The following KCTD16 variants were observed in gnomAD, a reference collection of about 807,000 sequenced individuals.
KCTD16 encodes BTB/POZ domain-containing protein KCTD16.
A neutral mutation model predicts 33.2 loss-of-function variants in KCTD16; 13 were observed. That is an observed-to-expected ratio of 0.39 (90% confidence interval 0.25 to 0.62). The LOEUF (loss-of-function observed/expected upper bound fraction) is 0.62, where lower values mean the gene tolerates loss of function less well. Among genes scored for constraint, KCTD16 ranks in the 20% least tolerant of loss-of-function variants. The pLI, the probability that KCTD16 is intolerant of heterozygous loss-of-function variation, is 0.50. For missense variants in KCTD16, 441 were observed against 525.1 expected (o/e 0.84, Z 1.57); for synonymous variants, 197 against 195.3 (o/e 1.01, Z -0.07).
chr5:144,465,039 A>G (rs536448504), intron 3 of KCTD16, among the ~76,000 whole-genome samples: 134 of 152,296 alleles, frequency 8.8e-4, no homozygotes, highest in African/African-American at 3.0e-3. Flanking sequence ...TATTTGCCCT[A>G]GAAGGTAGAG....
chr5:144,173,658 A>C (rs1200383536), intron 1 of KCTD16, among the ~76,000 whole-genome samples: 1 of 152,206 alleles, frequency 6.6e-6, no homozygotes, highest in South Asian at 2.1e-4. Context: ...GAATTATTAG[A>C]TATAGATATT....
At chr5:144,247,528 T>G (rs536890937) in intron 3 of KCTD16, among the ~76,000 whole-genome samples, 1 of 152,322 alleles carries the variant, frequency 6.6e-6, no homozygotes, top group African/African-American at 2.4e-5. Flanking sequence ...CTATTCCCAC[T>G]GTGCTGTCTG....
chr5:144,356,497 GA>G (rs1400703683), intron 3 of KCTD16, among the ~76,000 whole-genome samples: 20 of 152,032 alleles, frequency 1.3e-4, no homozygotes, highest in Admixed American at 1.1e-3. Flanking sequence ...GAAAGATTCT[GA>G]AAGGTCAGTT....
chr5:144,221,899 C>T (rs1020694846), intron 3 of KCTD16, among the ~76,000 whole-genome samples: 12 of 152,190 alleles, frequency 7.9e-5, no homozygotes, highest in Admixed American at 2.6e-4. Flanking sequence ...TAAAAGTGTT[C>T]CTATTTCTCC....
intron 3 of KCTD16, among the ~76,000 whole-genome samples, chr5:144,328,498 T>A (rs1752266694): frequency 6.6e-6 from 1 of 151,980 alleles, no homozygotes; most frequent in African/African-American, 2.4e-5. Context: ...GAAGCGAATA[T>A]CCTCTTTTTT....
At chr5:144,242,742 G>T (rs1407402615) in intron 3 of KCTD16, among the ~76,000 whole-genome samples, 1 of 152,088 alleles carries the variant, frequency 6.6e-6, no homozygotes, top group East Asian at 1.9e-4. Flanking sequence ...GAGATTGCAT[G>T]GTCATAGAGG....
chr5:144,202,072 C>G (rs1449520087), intron 2 of KCTD16, among the ~76,000 whole-genome samples: 1 of 152,210 alleles, frequency 6.6e-6, no homozygotes, highest in Non-Finnish European at 1.5e-5. Context: ...TCACAATTTA[C>G]CTAACATACG....
chr5:144,437,652 C>T (rs1753608360), intron 3 of KCTD16, among the ~76,000 whole-genome samples: 1 of 152,196 alleles, frequency 6.6e-6, no homozygotes, highest in South Asian at 2.1e-4. Context: ...CCAATATCAA[C>T]ATGTACAGGT....
At chr5:144,230,370 G>A (rs549144453) in intron 3 of KCTD16, among the ~76,000 whole-genome samples, 65 of 152,256 alleles carry the variant, frequency 4.3e-4, no homozygotes, top group African/African-American at 1.5e-3. Flanking sequence ...GCTGATATTG[G>A]TGATAAGAAC....
intron 2 of KCTD16, among the ~76,000 whole-genome samples, chr5:144,188,962 G>A (rs941102418): frequency 2.6e-5 from 4 of 152,290 alleles, no homozygotes; most frequent in African/African-American, 9.6e-5. Context: ...CTGTTGTCAT[G>A]GTAAGGCCTT....
chr5:144,388,030 C>T lies in KCTD16; in HGVS notation c.833-85630C>T, dbSNP rs1188833239. Among the ~76,000 whole-genome samples, 3 of 135,662 alleles carry T rather than the reference C, an allele frequency of 2.2e-5. No homozygotes were observed. The South Asian group carries it at 6.8e-4, about 31-fold the overall frequency. 89.0% of individuals were successfully genotyped at this position (135,662 alleles called of 152,430 possible). On this transcript the variant is annotated intron_variant, in intron 3 of 3. Transcript: ENST00000512467. ...ATAGAACCAATTATTTATTATTAAT[C>T]GGGAAAAAAAATCCAGAGTTCAATT...
intron 3 of KCTD16, among the ~76,000 whole-genome samples, 181 bp from the exon 4 acceptor site, chr5:144,473,479 C>T (rs188380824): frequency 8.3e-4 from 126 of 152,234 alleles, no homozygotes; most frequent in African/African-American, 3.0e-3. Context: ...TTCCTCCCCT[C>T]GTGGACTTGG....
intron 3 of KCTD16, among the ~76,000 whole-genome samples, chr5:144,313,306 C>G (rs1346700507): frequency 6.6e-6 from 1 of 152,128 alleles, no homozygotes; most frequent in South Asian, 2.1e-4. Context: ...CTAGACATAA[C>G]CAGCCATTCA....
intron 2 of KCTD16, among the ~76,000 whole-genome samples, chr5:144,193,566 C>A (rs1296018659): frequency 2.6e-5 from 4 of 152,082 alleles, no homozygotes; most frequent in African/African-American, 9.7e-5. Context: ...TAGCTCATTT[C>A]ACTATATGAA....
chr5:144,180,046 A>G (rs1474595746), intron 2 of KCTD16, among the ~76,000 whole-genome samples: 2 of 152,198 alleles, frequency 1.3e-5, no homozygotes, highest in African/African-American at 4.8e-5. Flanking sequence ...TGAGGTCATT[A>G]CTGTGCTTCC....
At chr5:144,239,472 G>A (rs1007949472) in intron 3 of KCTD16, among the ~76,000 whole-genome samples, 34 of 152,082 alleles carry the variant, frequency 2.2e-4, no homozygotes, top group African/African-American at 8.2e-4. Context: ...CATTTGGAGT[G>A]AAGAAGATTC....
chr5:144,322,179 A>G (rs1451827399), intron 3 of KCTD16, among the ~76,000 whole-genome samples: 1 of 152,070 alleles, frequency 6.6e-6, no homozygotes, highest in Non-Finnish European at 1.5e-5. Flanking sequence ...CCTGCTCCTT[A>G]TTTAGATTAT....
chr5:144,440,684 C>T (rs1012924090), intron 3 of KCTD16, among the ~76,000 whole-genome samples: 1 of 151,472 alleles, frequency 6.6e-6, no homozygotes, highest in Admixed American at 6.6e-5. Context: ...AAAAAAAAAT[C>T]TGACTGTGGT....
chr5:144,213,624 A>C (rs762239583), intron 3 of KCTD16, among the ~76,000 whole-genome samples: 6 of 152,176 alleles, frequency 3.9e-5, no homozygotes, highest in Non-Finnish European at 7.3e-5. Context: ...AAATTCACTC[A>C]GTATTTCTGA....
Sources: allele counts gnomAD v4.1 joint callset (sites outside exome capture counted in the v4.1 genomes callset), GRCh38; gene constraint gnomAD v4.1.1; transcripts MANE v1.5; gene names NCBI Gene and HGNC (gene_info 2026-07-23, HGNC 2026-07-21).